Variants in MYBPC1 observed in about 807,000 individuals in gnomAD.
MYBPC1 encodes the protein myosin-binding protein C, slow-type.
Under a neutral mutation model 147.1 loss-of-function variants are expected in MYBPC1, and 52 were observed. The observed-to-expected ratio is 0.35, with a 90% confidence interval of 0.28 to 0.45. The LOEUF (loss-of-function observed/expected upper bound fraction) is 0.45. Ranked by LOEUF, MYBPC1 falls within the 20% of genes least tolerant of loss-of-function variation. MYBPC1 has a pLI of 1.00. For missense variants in MYBPC1, 1,228 were observed against 1,440.3 expected (o/e 0.85, Z 2.39); for synonymous variants, 477 against 475.9 (o/e 1.00, Z -0.03).
intron 1 of MYBPC1, among the ~76,000 whole-genome samples, chr12:101,604,847 T>C (rs1881515361): frequency 6.6e-6 from 1 of 152,202 alleles, no homozygotes; most frequent in Non-Finnish European, 1.5e-5. Flanking sequence ...TGTCCTTTAT[T>C]ATAGACGCCA....
Position 101,648,243 on chromosome 12 carries a change from A to G in MYBPC1, c.1196+93A>G, listed in dbSNP as rs1893648085. The G allele has an allele frequency of 3.5e-6, 3 of 848,710 alleles. No individual in the cohort carries two copies. The South Asian group carries it at 4.2e-5, about 12-fold the overall frequency. The allele number at this position is 848,710 out of a possible 1,614,324, so 52.6% of individuals were successfully genotyped here. A position where few individuals can be genotyped will look rare whatever the true frequency, so the allele number is the denominator to read the frequency against. Reference sequence around the variant, plus strand: ...AACAGGAAGTACAAATAGCTTTTAAACCTTTGAAAACAATCTCCACCTCAT... The same window carrying G: ...AACAGGAAGTACAAATAGCTTTTAAGCCTTTGAAAACAATCTCCACCTCAT... On this transcript the variant is annotated intron_variant, in intron 14 of 31. Transcript: ENST00000361466.
intron 3 of MYBPC1, among the ~76,000 whole-genome samples, chr12:101,622,457 G>C (rs825098): frequency 0.15 from 22,509 of 152,222 alleles, 1,951 homozygotes; most frequent in East Asian, 0.32. Flanking sequence ...GAAACTGGCT[G>C]GGTGAGATGG....
In MYBPC1 at chr12:101,649,285, C is replaced by T. The variant is rs1001547572; in HGVS notation, c.1222C>T (p.Pro408Ser). The T allele has an allele frequency of 1.2e-6, 2 of 1,613,392 alleles. No homozygotes were observed. The highest frequency in any genetic ancestry group is 1.7e-5 in the Admixed American group (1 of 59,962). ...KWFKNGEEII[P>S]GPKSRYRIRV... ...GTTTAAGAATGGTGAAGAGATTATC[C>T]CTGGTCCAAAATCAAGATACCGAAT... Residue 408 changes from proline to serine, a missense_variant, in exon 15 of 32, where the codon CCT becomes TCT. By Grantham distance (74) the Pro-to-Ser change is moderately conservative. Around this residue, in one of 2 missense-constraint regions of MYBPC1, gnomAD observed 1,077 missense variants for 1,314.2 expected, o/e 0.82. Coordinates refer to ENST00000361466, the MANE Select transcript of MYBPC1 (RefSeq NM_002465.4).
chr12:101,656,499 G>C lies in MYBPC1; in HGVS notation c.1768-3173G>C, dbSNP rs569589216. Among the ~76,000 whole-genome samples the C allele has an allele frequency of 4.6e-5, 7 of 152,224 alleles. No homozygotes were observed. The East Asian group carries it at 1.3e-3, about 29-fold the overall frequency. On this transcript the variant is annotated intron_variant, in intron 18 of 31. Coordinates refer to ENST00000361466, the MANE Select transcript of MYBPC1 (RefSeq NM_002465.4). ...TTGCATCCATTAAAGTATAGGGAGA[G>C]AGAGAGACATGCTGTGCTAAGACTA...
chr12:101,691,875 G>C, the MYBPC1 span, among the ~76,000 whole-genome samples: 1,635 of 152,328 alleles, frequency 0.011, 43 homozygotes, highest in East Asian at 0.055. Flanking sequence ...ACCTGGGCAA[G>C]GAGGCTGATC....
intron 25 of MYBPC1, 43 bp from the exon 26 acceptor site, chr12:101,675,249 A>G: frequency 6.2e-7 from 1 of 1,612,498 alleles, no homozygotes; most frequent in Non-Finnish European, 8.5e-7. Context: ...GTAGACTGGG[A>G]AAGAAAGTGA....
chr12:101,669,348 A>T (rs756495060), intron 23 of MYBPC1, among the ~76,000 whole-genome samples: 10 of 152,188 alleles, frequency 6.6e-5, no homozygotes, highest in Non-Finnish European at 1.0e-4. Flanking sequence ...TGAGCCTATG[A>T]GCCTTTGACT....
intron 24 of MYBPC1, among the ~76,000 whole-genome samples, chr12:101,670,626 A>C (rs994100458): frequency 1.3e-5 from 2 of 152,226 alleles, no homozygotes; most frequent in African/African-American, 4.8e-5. Context: ...TTCTTTCTGC[A>C]TGAGACAAAT....
At chr12:101,665,910 C>T (rs1217518165) in intron 22 of MYBPC1, among the ~76,000 whole-genome samples, 1 of 152,202 alleles carries the variant, frequency 6.6e-6, no homozygotes, top group African/African-American at 2.4e-5. Flanking sequence ...CTCCACATGC[C>T]TTACTAGCTG....
At chr12:101,645,500 A>C (rs970558072) in intron 12 of MYBPC1, among the ~76,000 whole-genome samples, 1 of 152,330 alleles carries the variant, frequency 6.6e-6, no homozygotes, top group East Asian at 1.9e-4. Context: ...TACATTTATA[A>C]AAGATGTTAA....
intron 24 of MYBPC1, among the ~76,000 whole-genome samples, chr12:101,672,186 C>T (rs3794282): frequency 0.025 from 3,815 of 152,284 alleles, 65 homozygotes; most frequent in East Asian, 0.074. Flanking sequence ...TCTTCAACAA[C>T]GTCGTTCTCT....
At chr12:101,639,724 C>T (rs1213913011) in intron 10 of MYBPC1, among the ~76,000 whole-genome samples, 2 of 152,046 alleles carry the variant, frequency 1.3e-5, no homozygotes, top group African/African-American at 4.8e-5. Context: ...AAATATTCAC[C>T]TCATGGATCT....
Position 101,599,533 on chromosome 12 carries a change from C to G in MYBPC1, c.25+4438C>G, listed in dbSNP as rs553116940. Among the ~76,000 whole-genome samples the G allele has an allele frequency of 2.0e-4, 31 of 152,334 alleles. No homozygotes were observed. In the South Asian group the frequency reaches 4.3e-3, roughly 21 times the overall value. On this transcript the variant is annotated intron_variant, in intron 1 of 31. Coordinates refer to ENST00000361466, the MANE Select transcript of MYBPC1 (RefSeq NM_002465.4). Reference sequence around the variant, plus strand: ...GATGGGAAAACTCCTTCTCATATCTCTTCTTTGACCTTCAGTTTCTACCTG... The same window carrying G: ...GATGGGAAAACTCCTTCTCATATCTGTTCTTTGACCTTCAGTTTCTACCTG...
chr12:101,599,909 T>C (rs1360281449), intron 1 of MYBPC1, among the ~76,000 whole-genome samples: 1 of 152,192 alleles, frequency 6.6e-6, no homozygotes, highest in African/African-American at 2.4e-5. Context: ...CTAGGGCAAA[T>C]GCGTGCTAGA....
chr12:101,615,379 G>A (rs1224162638), intron 2 of MYBPC1, among the ~76,000 whole-genome samples: 1 of 152,032 alleles, frequency 6.6e-6, no homozygotes, highest in East Asian at 1.9e-4. Flanking sequence ...CCTTGAAAAG[G>A]ATGAGAAACT....
At chr12:101,689,940 CGAG>C (rs1951392327), downstream of MYBPC1, among the ~76,000 whole-genome samples, 2 of 152,014 alleles carry the variant, frequency 1.3e-5, no homozygotes, top group Non-Finnish European at 2.9e-5. Context: ...TTTGGGAGGC[CGAG>C]GCAGGTGGAT....
At chr12:101,597,956 A>G (rs1878022679) in intron 1 of MYBPC1, among the ~76,000 whole-genome samples, 1 of 152,026 alleles carries the variant, frequency 6.6e-6, no homozygotes, top group African/African-American at 2.4e-5. Context: ...TTAATTGAGT[A>G]CAAGTAAGTG....
chr12:101,652,237 T>G (rs1047804695), intron 16 of MYBPC1, among the ~76,000 whole-genome samples: 1 of 152,222 alleles, frequency 6.6e-6, no homozygotes, highest in African/African-American at 2.4e-5. Context: ...GGATTCATAG[T>G]GTCCATCAGA....
chr12:101,653,220 C>T lies in MYBPC1; in HGVS notation c.1739C>T (p.Pro580Leu). 1 of 1,614,130 alleles carries T rather than the reference C, an allele frequency of 6.2e-7. No homozygotes were observed. Among genetic ancestry groups the T allele is most frequent in the Non-Finnish European group, 8.5e-7 (1 of 1,180,022 alleles). ...LEIPISGEPP[P>L]KAMWSRGDKA... ...ATCCCCATCAGCGGAGAACCACCTC[C>T]TAAAGCCATGTGGAGCCGGGGAGAT... is the stretch of plus-strand genomic sequence containing the variant. The change falls in exon 18 of 32, where the codon CCT (proline) becomes CTT (leucine). Residue 580 changes from proline to leucine, a missense_variant. Coordinates refer to ENST00000361466, the MANE Select transcript of MYBPC1 (RefSeq NM_002465.4).
Sources: allele counts gnomAD v4.1 joint callset (sites outside exome capture counted in the v4.1 genomes callset), GRCh38; gene constraint gnomAD v4.1.1; regional missense constraint gnomAD v4.1.1; transcripts MANE v1.5; gene names NCBI Gene and HGNC (gene_info 2026-07-23, HGNC 2026-07-21).